Variants in ILDR2 observed in about 807,000 individuals in gnomAD.
ILDR2 encodes the protein immunoglobulin-like domain-containing receptor 2.
A neutral mutation model predicts 66.8 loss-of-function variants in ILDR2; 25 were observed. The ratio of observed to expected loss-of-function variants is 0.37; its 90% confidence interval spans 0.27 to 0.52. The LOEUF (loss-of-function observed/expected upper bound fraction) is 0.52. ILDR2 is among the 20% of genes least tolerant of loss of function. The pLI is 0.88. For missense variants in ILDR2, 827 were observed against 876.8 expected (o/e 0.94, Z 0.72); for synonymous variants, 367 against 357.2 (o/e 1.03, Z -0.31).
intron 3 of ILDR2, among the ~76,000 whole-genome samples, chr1:166,945,778 T>G (rs778352636): frequency 2.6e-5 from 4 of 152,242 alleles, no homozygotes; most frequent in Non-Finnish European, 4.4e-5. Context: ...ATGACACCAC[T>G]GCTGACAGCA....
At chr1:166,974,115 T>C (rs12569084) in intron 1 of ILDR2, among the ~76,000 whole-genome samples, 46,734 of 152,038 alleles carry the variant, frequency 0.31, 8,518 homozygotes, top group African/African-American at 0.52. Flanking sequence ...TGGCTGGTGA[T>C]GCTAGAGGTG....
intron 1 of ILDR2, among the ~76,000 whole-genome samples, chr1:166,972,900 A>G (rs917386378): frequency 2.0e-5 from 3 of 151,964 alleles, no homozygotes; most frequent in Non-Finnish European, 4.4e-5. Context: ...AAAATTTCTC[A>G]CCTTTCGTCT....
Position 166,936,588 on chromosome 1 carries a change from C to CA in ILDR2, c.703+2dup. The CA allele has an allele frequency of 6.2e-7, 1 of 1,614,066 alleles. No homozygotes were observed. The highest frequency in any genetic ancestry group is 8.5e-7 in the Non-Finnish European group (1 of 1,180,000). On this transcript the variant is annotated splice_region_variant and intron_variant, in intron 5 of 9. Transcript: ENST00000271417. This position sits in a 1 kb window ranked among gnomAD's most constrained non-coding sequence, Gnocchi z 5.0. ...CTGTCTCCCCAGCGGTCACTGTACT[C>CA]ACAGGCTTGAGGGCAGCAGCAGGAA...
chr1:166,948,024 C>T (rs1365573214), intron 3 of ILDR2, among the ~76,000 whole-genome samples: 1 of 152,146 alleles, frequency 6.6e-6, no homozygotes, highest in East Asian at 1.9e-4. Flanking sequence ...CAGAAAACAA[C>T]TATTACGTCA....
chr1:166,946,986 C>A (rs1007469732), intron 3 of ILDR2, among the ~76,000 whole-genome samples: 1 of 152,170 alleles, frequency 6.6e-6, no homozygotes, highest in African/African-American at 2.4e-5. Flanking sequence ...ACAGTATGGG[C>A]TAATTGAAAG....
At chr1:166,949,838 G>A (rs896548044) in intron 3 of ILDR2, among the ~76,000 whole-genome samples, 2 of 152,126 alleles carry the variant, frequency 1.3e-5, no homozygotes, top group South Asian at 4.1e-4. Context: ...GTAAGCTCAG[G>A]GCAGAGCAGG....
chr1:166,946,927 AC>A (rs1279590479), intron 3 of ILDR2, among the ~76,000 whole-genome samples: 2 of 152,206 alleles, frequency 1.3e-5, no homozygotes, highest in African/African-American at 4.8e-5. Context: ...AATTTTCAGC[AC>A]CTTTTAAAGT....
At chr1:166,920,626 C>T in intron 9 of ILDR2, 81 bp downstream of exon 9, 8 of 1,314,124 alleles carry the variant, frequency 6.1e-6, no homozygotes, top group South Asian at 2.3e-5. Flanking sequence ...CCTCCCCGGC[C>T]CCCAGACAGC....
intron 3 of ILDR2, among the ~76,000 whole-genome samples, chr1:166,943,206 G>T (rs1334192471): frequency 6.6e-6 from 1 of 152,162 alleles, no homozygotes; most frequent in African/African-American, 2.4e-5. Flanking sequence ...AAGCTCTATA[G>T]CTTTGGCCGG....
rs1332154391 is a variant in ILDR2 at position 166,918,966 on chromosome 1, G to A, written c.*389C>T. The A allele has an allele frequency of 5.5e-6, 2 of 361,188 alleles. No homozygotes were observed. The highest frequency in any genetic ancestry group is 9.9e-6 in the Non-Finnish European group (2 of 201,934). 22.4% of individuals were successfully genotyped at this position (361,188 alleles called of 1,614,324 possible). ...TCTTCTGTCTCTAAGTATAGCACAGGAGGTATAGAAAAGCATATTGTAGGC... is the reference window on the plus strand; with the variant it reads ...TCTTCTGTCTCTAAGTATAGCACAGAAGGTATAGAAAAGCATATTGTAGGC... On this transcript the variant is annotated 3_prime_UTR_variant, in exon 10 of 10. Coordinates refer to ENST00000271417, the MANE Select transcript of ILDR2 (RefSeq NM_199351.3).
Position 166,957,948 on chromosome 1 carries a change from C to T in ILDR2, c.200G>A (p.Gly67Glu). 1 of 1,614,124 alleles carries T rather than the reference C, an allele frequency of 6.2e-7. No individual in the cohort carries two copies. The highest frequency in any genetic ancestry group is 8.5e-7 in the Non-Finnish European group (1 of 1,180,014). ...GGTAGAGGACATGCCCAAGGATTCT[C>T]CCATGCGATCCTGGCAGTAGGACTT... Reference protein sequence around the residue: ...KFKSYCQDRMGESLGMSSTRA... With the variant: ...KFKSYCQDRMEESLGMSSTRA... Residue 67 changes from glycine to glutamate, a missense_variant, in exon 2 of 10, where the codon GGA becomes GAA. Transcript: ENST00000271417.
intron 3 of ILDR2, among the ~76,000 whole-genome samples, chr1:166,945,673 C>T (rs1286526287): frequency 2.0e-5 from 3 of 152,186 alleles, no homozygotes; most frequent in Non-Finnish European, 4.4e-5. Context: ...TTAGGACAAA[C>T]CTGTTTTCAG....
At chr1:166,943,622 C>T (rs1661447975) in intron 3 of ILDR2, among the ~76,000 whole-genome samples, 1 of 151,738 alleles carries the variant, frequency 6.6e-6, no homozygotes, top group South Asian at 2.1e-4. Flanking sequence ...GAAAATATTC[C>T]ACTTCCAGCT....
At chr1:166,898,053 G>A (rs958607376) in intron 2 of ILDR2, among the ~76,000 whole-genome samples, 1 of 152,132 alleles carries the variant, frequency 6.6e-6, no homozygotes, top group Non-Finnish European at 1.5e-5. Context: ...TAGCATCAGG[G>A]TTGCACTGCA....
At chr1:166,945,743 G>A (rs1434148567) in intron 3 of ILDR2, among the ~76,000 whole-genome samples, 1 of 152,194 alleles carries the variant, frequency 6.6e-6, no homozygotes, top group Non-Finnish European at 1.5e-5. Flanking sequence ...TTAGGAAAAG[G>A]AAGTATAACA....
chr1:166,966,271 T>C (rs1662941447), intron 1 of ILDR2, among the ~76,000 whole-genome samples: 1 of 152,220 alleles, frequency 6.6e-6, no homozygotes, highest in Admixed American at 6.5e-5. Flanking sequence ...AATAAAGTCC[T>C]TTCCTGCTTA....
At position 166,920,974 on chromosome 1, in the gene ILDR2, G is replaced by A. The variant is rs1178346436; in HGVS notation, c.1617C>T (p.Pro539=). 1 of 1,487,204 alleles carries A rather than the reference G, an allele frequency of 6.7e-7. No individual in the cohort carries two copies. The highest frequency in any genetic ancestry group is 8.9e-7 in the Non-Finnish European group (1 of 1,129,814). The allele number at this position is 1,487,204 out of a possible 1,614,324, so 92.1% of individuals were successfully genotyped here. The part of the protein sequence containing the change: ...LGSARERQAR[P]EGASRGGSLE... ...GGCTGCCACCGCGGCTGGCGCCCTC[G>A]GGCCGCGCCTGGCGCTCCCGCGCGC... Residue 539 remains proline, a synonymous_variant, in exon 9 of 10, where the codon CCC becomes CCT. Coordinates refer to ENST00000271417, the MANE Select transcript of ILDR2 (RefSeq NM_199351.3).
rs1659961977 is a variant in ILDR2 at position 166,921,799 on chromosome 1, T to G, written c.1212-420A>C. ...GGTGACACACAGAGAGGCCTTTTCT[T>G]CCCTCAGAGCCAAGGGCCAAGTTAC... On this transcript the variant is annotated intron_variant, in intron 8 of 9. Transcript: ENST00000271417. This position sits in a 1 kb window ranked among gnomAD's most constrained non-coding sequence, Gnocchi z 5.3. 6.6e-6 allele frequency among the ~76,000 whole-genome samples: 1 copy of G among 152,126 alleles called. No individual in the cohort carries two copies. Among genetic ancestry groups the G allele is most frequent in the Admixed American group, 6.5e-5 (1 of 15,280 alleles).
In ILDR2 at chr1:166,909,741, A is replaced by G. The variant is rs1659423214; in HGVS notation, c.*9614T>C. ...TATGTGTGTGTGTATACATACATATATATATATATATATATATAAATATAT... is the reference window on the plus strand; with the variant it reads ...TATGTGTGTGTGTATACATACATATGTATATATATATATATATAAATATAT... On this transcript the variant is annotated 3_prime_UTR_variant, in exon 10 of 10. Transcript: ENST00000271417. The G allele has an allele frequency of 9.7e-6, 1 of 102,604 alleles. No individual in the cohort carries two copies. Among genetic ancestry groups the G allele is most frequent in the South Asian group, 3.1e-4 (1 of 3,254 alleles). 6.4% of individuals were successfully genotyped at this position (102,604 alleles called of 1,614,324 possible). A position where few individuals can be genotyped will look rare whatever the true frequency, so the allele number is the denominator to read the frequency against.
Sources: gnomAD v4.1 joint callset for allele counts (sites outside exome capture counted in the v4.1 genomes callset) on GRCh38, gnomAD v4.1.1 for gene constraint, Gnocchi (gnomAD v3.1) non-coding constraint, MANE v1.5 for transcripts, NCBI Gene and HGNC (gene_info 2026-07-23, HGNC 2026-07-21) for gene names.